Variants in ARHGEF7 observed in about 807,000 individuals in gnomAD.
The protein encoded by ARHGEF7 is Rho guanine nucleotide exchange factor 7, also known as PAK-interacting exchange factor beta.
A neutral mutation model predicts 109.8 loss-of-function variants in ARHGEF7; 33 were observed. The ratio of observed to expected loss-of-function variants is 0.30; its 90% CI spans 0.23 to 0.40. The LOEUF (loss-of-function observed/expected upper bound fraction) is 0.40. Among genes scored for constraint, ARHGEF7 ranks in the 10% least tolerant of loss-of-function variants. The probability of loss-of-function intolerance (pLI) is 1.00; values close to 1 mark genes in which losing one functional copy is unlikely to be tolerated. For missense variants in ARHGEF7, 938 were observed against 1,098.5 expected (o/e 0.85, Z 2.07); for synonymous variants, 458 against 424.6 (o/e 1.08, Z -0.97).
chr13:111,183,383 G>A (rs1245949850), intron 2 of ARHGEF7, among the ~76,000 whole-genome samples: 1 of 151,806 alleles, frequency 6.6e-6, no homozygotes, highest in Non-Finnish European at 1.5e-5. Flanking sequence ...GTGAAAATGT[G>A]GTTATAAGCT....
chr13:111,159,069 A>G, intron 2 of ARHGEF7: 1 of 718,336 alleles, frequency 1.4e-6, no homozygotes, highest in Non-Finnish European at 2.6e-6. Context: ...TCTGGTAACC[A>G]CCATTCTCTT....
chr13:111,245,016 A>G (rs4399425), intron 8 of ARHGEF7, among the ~76,000 whole-genome samples: 152,267 of 152,314 alleles, frequency 1, 76,110 homozygotes, highest in Non-Finnish European at 1. Flanking sequence ...TGAATATGGC[A>G]GATGAGGCAA....
intron 2 of ARHGEF7, among the ~76,000 whole-genome samples, chr13:111,177,424 G>C (rs979033234): frequency 6.6e-6 from 1 of 152,246 alleles, no homozygotes; most frequent in Non-Finnish European, 1.5e-5. Context: ...CTCAGGCGGG[G>C]TGTGAGATGT....
intron 18 of ARHGEF7, among the ~76,000 whole-genome samples, chr13:111,290,524 T>C (rs1567103830): frequency 6.6e-6 from 1 of 152,180 alleles, no homozygotes; most frequent in Non-Finnish European, 1.5e-5. Flanking sequence ...ACCAATCCCC[T>C]GTGGGTGAGG....
At chr13:111,271,809 TA>T (rs2092175167) in intron 9 of ARHGEF7, among the ~76,000 whole-genome samples, 1 of 152,252 alleles carries the variant, frequency 6.6e-6, no homozygotes, top group Non-Finnish European at 1.5e-5. Context: ...TTAATTTTTT[TA>T]CAAGTGGATA....
In ARHGEF7 at chr13:111,167,038, G is replaced by A. The variant is rs575201501; in HGVS notation, c.252+13047G>A. Among the ~76,000 whole-genome samples, 22 of 152,286 alleles carry A rather than the reference G, an allele frequency of 1.4e-4. 1 individual carries two copies. In the South Asian group the frequency reaches 2.1e-3, roughly 14 times the overall value. ...AACATTTTAGGCCCGCTAGACGTGC[G>A]TACTGACGTTGCTCATTTCCTGGCC... On this transcript the variant is annotated intron_variant, in intron 2 of 21. Coordinates refer to ENST00000646102, the MANE Select transcript of ARHGEF7 (RefSeq NM_001354046.2).
intron 2 of ARHGEF7, among the ~76,000 whole-genome samples, chr13:111,191,111 A>T (rs1433259281): frequency 1.3e-5 from 2 of 152,074 alleles, no homozygotes; most frequent in Non-Finnish European, 2.9e-5. Flanking sequence ...TGCAGGGAGT[A>T]TGTTTGCCAT....
intron 20 of ARHGEF7, 52 bp from the exon 21 acceptor site, chr13:111,301,426 C>G: frequency 1.3e-6 from 2 of 1,526,470 alleles, no homozygotes; most frequent in South Asian, 2.3e-5. Context: ...TTTCGTGTGT[C>G]CTCTCCATGC....
intron 2 of ARHGEF7, among the ~76,000 whole-genome samples, chr13:111,174,231 G>C (rs1345234875): frequency 1.3e-5 from 2 of 152,140 alleles, no homozygotes; most frequent in African/African-American, 4.8e-5. Context: ...AATTAAAATT[G>C]GTTACTCTTA....
chr13:111,240,765 C>T (rs757888664), intron 6 of ARHGEF7, among the ~76,000 whole-genome samples: 8 of 151,972 alleles, frequency 5.3e-5, no homozygotes, highest in Non-Finnish European at 7.4e-5. Flanking sequence ...TTTGGTTTTT[C>T]TTCTTGGACT....
In ARHGEF7 at chr13:111,115,601, G is replaced by C; in HGVS notation, c.75G>C (p.Ser25=). The C allele has an allele frequency of 1.4e-6, 2 of 1,418,326 alleles. No homozygotes were observed. Among genetic ancestry groups the C allele is most frequent in the Non-Finnish European group, 1.9e-6 (2 of 1,069,842 alleles). The allele number at this position is 1,418,326 out of a possible 1,614,324, so 87.9% of individuals were successfully genotyped here. A position where few individuals can be genotyped will look rare whatever the true frequency, so the allele number is the denominator to read the frequency against. The change falls in exon 1 of 22, where the codon TCG becomes TCC. Residue 25 remains serine (S), a synonymous_variant. Transcript: ENST00000646102. Reference sequence around the variant, plus strand: ...TGGAGTCGCCCAAAAAAACCATCTCGGACCCGGAGGGCTTTCTGCAGGCGT... The same window carrying C: ...TGGAGTCGCCCAAAAAAACCATCTCCGACCCGGAGGGCTTTCTGCAGGCGT... ...GVLESPKKTI[S]DPEGFLQASL... is the part of the protein sequence containing the mutation.
intron 1 of ARHGEF7, among the ~76,000 whole-genome samples, chr13:111,138,772 G>C (rs2075207503): frequency 6.6e-6 from 1 of 152,200 alleles, no homozygotes; most frequent in Admixed American, 6.5e-5. Flanking sequence ...TGGAGAAAAT[G>C]ATGACAATTT....
chr13:111,291,393 G>A (rs1196651740), intron 18 of ARHGEF7, among the ~76,000 whole-genome samples: 2 of 152,272 alleles, frequency 1.3e-5, no homozygotes, highest in African/African-American at 4.8e-5. Flanking sequence ...TCTGCATTGG[G>A]GTGGCCGGTG....
chr13:111,220,455 T>A (rs1384126589), intron 5 of ARHGEF7, among the ~76,000 whole-genome samples: 1 of 152,212 alleles, frequency 6.6e-6, no homozygotes, highest in East Asian at 1.9e-4. Flanking sequence ...TTTCATGTAT[T>A]TCTCCTTGTG....
rs398070438 is a variant in ARHGEF7 at position 111,179,083 on chromosome 13, T to TC, written c.252+25092_252+25093insC. Among the ~76,000 whole-genome samples the TC allele has an allele frequency of 1.6e-4, 23 of 145,736 alleles. 1 individual carries two copies. Among genetic ancestry groups the TC allele is most frequent in the South Asian group, 2.1e-4 (1 of 4,710 alleles). On this transcript the variant is annotated intron_variant, in intron 2 of 21. Transcript: ENST00000646102. ...CATTCTGAGTTCAAATGCCTGTTCT[T>TC]TTTTTTTTTTTTTGAGACAGAATCT...
At chr13:111,165,391 A>T (rs556319059) in intron 2 of ARHGEF7, among the ~76,000 whole-genome samples, 1 of 152,320 alleles carries the variant, frequency 6.6e-6, no homozygotes, top group African/African-American at 2.4e-5. Flanking sequence ...CTCACCCAAG[A>T]GTTGCATCAC....
chr13:111,225,773 C>T (rs575726807), intron 5 of ARHGEF7, among the ~76,000 whole-genome samples: 14 of 152,228 alleles, frequency 9.2e-5, no homozygotes, highest in African/African-American at 3.1e-4. Flanking sequence ...ATTCTGACTG[C>T]CCTACTGACC....
chr13:111,121,835 T>G (rs1333799271), intron 1 of ARHGEF7, among the ~76,000 whole-genome samples: 1 of 152,048 alleles, frequency 6.6e-6, no homozygotes, highest in Non-Finnish European at 1.5e-5. Context: ...GAGTCCTAGT[T>G]TCTTCCTCCT....
intron 2 of ARHGEF7, among the ~76,000 whole-genome samples, chr13:111,162,286 G>A (rs1160737949): frequency 1.3e-5 from 2 of 152,162 alleles, no homozygotes; most frequent in African/African-American, 2.4e-5. Context: ...ATATTTCTGG[G>A]GAGATTGCAA....
Sources: gnomAD v4.1 joint callset for allele counts (sites outside exome capture counted in the v4.1 genomes callset) on GRCh38, gnomAD v4.1.1 for gene constraint, MANE v1.5 for transcripts, NCBI Gene and HGNC (gene_info 2026-07-23, HGNC 2026-07-21) for gene names.